DDR2: variants seen among roughly 807,000 people sequenced by gnomAD.
DDR2 encodes the protein discoidin domain receptor tyrosine kinase 2.
In DDR2, 27 loss-of-function variants were observed where a neutral mutation model predicts 94.9. The observed-to-expected ratio is 0.28, with a 90% CI of 0.21 to 0.39. The LOEUF (loss-of-function observed/expected upper bound fraction) is 0.39. Ranked by LOEUF, DDR2 falls within the 10% of genes least tolerant of loss-of-function variation. The pLI is 1.00. For synonymous variants in DDR2, 382 were observed against 377.2 expected, an observed-to-expected ratio of 1.01 and a Z score of -0.15; for missense variants, 783 against 1,076.0, an observed-to-expected ratio of 0.73 and a Z score of 3.81.
intron 3 of DDR2, among the ~76,000 whole-genome samples, chr1:162,752,719 G>T (rs1401516214): frequency 1.3e-5 from 2 of 152,110 alleles, no homozygotes; most frequent in Non-Finnish European, 2.9e-5. Flanking sequence ...TGATTATGAG[G>T]GTTCCTCACT....
intron 3 of DDR2, among the ~76,000 whole-genome samples, chr1:162,729,300 A>ATGTTGTTTTTTTTTTT (rs1416872679): frequency 2.4e-4 from 23 of 94,016 alleles, no homozygotes; most frequent in African/African-American, 1.1e-3. Flanking sequence ...ATATATATAT[A>ATGTTGTTTTTTTTTTT]TTTTTTTTTT....
At chr1:162,765,186 A>G (rs1663930960) in intron 9 of DDR2, among the ~76,000 whole-genome samples, 1 of 152,148 alleles carries the variant, frequency 6.6e-6, no homozygotes, top group Non-Finnish European at 1.5e-5. Context: ...ATAGCTATGA[A>G]CCATGGTTTT....
chr1:162,632,778 G>A (rs189356213), intron 1 of DDR2, 147 bp downstream of exon 1: 93 of 152,324 alleles, frequency 6.1e-4, no homozygotes, highest in African/African-American at 2.2e-3. Context: ...ACGTAATGAG[G>A]CACCACAGAC....
At chr1:162,664,630 A>C (rs1224576204) in intron 2 of DDR2, among the ~76,000 whole-genome samples, 1 of 152,228 alleles carries the variant, frequency 6.6e-6, no homozygotes, top group East Asian at 1.9e-4. Flanking sequence ...AATGATGTAA[A>C]AGTACATAGA....
At chr1:162,741,214 T>TATAATAC (rs1558057361) in intron 3 of DDR2, among the ~76,000 whole-genome samples, 1 of 88,436 alleles carries the variant, frequency 1.1e-5, no homozygotes, top group African/African-American at 4.4e-5. Context: ...CAATACAATA[T>TATAATAC]AATATAATAT....
chr1:162,644,185 A>G (rs10917577), intron 1 of DDR2, among the ~76,000 whole-genome samples: 78,204 of 152,082 alleles, frequency 0.51, 22,207 homozygotes, highest in Middle Eastern at 0.65. Flanking sequence ...ATGTTCTTAC[A>G]TTCTTAAAAA....
chr1:162,733,777 A>G (rs1017923641), intron 3 of DDR2, among the ~76,000 whole-genome samples: 1 of 152,216 alleles, frequency 6.6e-6, no homozygotes, highest in African/African-American at 2.4e-5. Context: ...ACTATTCTCA[A>G]AGTTGCTCAC....
rs182584872 is a variant in DDR2, at chr1:162,686,449, T to C, written c.-28+31075T>C. On this transcript the variant is annotated intron_variant, in intron 2 of 17. Coordinates refer to ENST00000367921, the MANE Select transcript of DDR2 (RefSeq NM_006182.4). ...GTCCTCATTGTTCAACTCCCACTTA[T>C]GAGTGAGAATATGCGGTGTTTGGTT... Among the ~76,000 whole-genome samples the C allele has an allele frequency of 4.9e-3, 741 of 152,316 alleles. 7 individuals are homozygous for C. The highest frequency in any genetic ancestry group is 0.024 in the Middle Eastern group (7 of 294).
intron 3 of DDR2, among the ~76,000 whole-genome samples, chr1:162,727,940 C>A (rs1009442569): frequency 7.9e-6 from 1 of 125,802 alleles, no homozygotes; most frequent in Admixed American, 8.9e-5. Flanking sequence ...AGAGCTAAGT[C>A]GACAATCACA....
At chr1:162,644,694 TC>T (rs1657321062) in intron 1 of DDR2, among the ~76,000 whole-genome samples, 1 of 152,018 alleles carries the variant, frequency 6.6e-6, no homozygotes, top group Admixed American at 6.6e-5. Context: ...CCTCCTGGGT[TC>T]AAGTGATTCT....
chr1:162,735,443 C>T (rs1217715335), intron 3 of DDR2, among the ~76,000 whole-genome samples: 1 of 152,172 alleles, frequency 6.6e-6, no homozygotes, highest in Non-Finnish European at 1.5e-5. Context: ...TTGCTACCCC[C>T]TCCCAGCAAC....
chr1:162,733,150 C>T (rs987425616), intron 3 of DDR2, among the ~76,000 whole-genome samples: 10 of 152,208 alleles, frequency 6.6e-5, no homozygotes, highest in Non-Finnish European at 1.0e-4. Flanking sequence ...TTGCCATTCC[C>T]AGCTTTTTCA....
In DDR2 at chr1:162,668,660, C is replaced by G. The variant is rs118014331; in HGVS notation, c.-28+13286C>G. ...CGTCTCTCTGTCTTTGTGTCCACAT[C>G]TTTTTCTCCTTTCCCTTAGATCCTA... is the stretch of plus-strand genomic sequence containing the variant. On this transcript the variant is annotated intron_variant, in intron 2 of 17. Coordinates refer to ENST00000367921, the MANE Select transcript of DDR2 (RefSeq NM_006182.4). 1.9e-3 allele frequency among the ~76,000 whole-genome samples: 284 copies of G among 152,284 alleles called. 4 individuals are homozygous for G. The East Asian group carries it at 0.042, about 23-fold the overall frequency.
intron 2 of DDR2, among the ~76,000 whole-genome samples, chr1:162,690,977 C>T (rs781199220): frequency 2.6e-5 from 4 of 152,166 alleles, no homozygotes; most frequent in Admixed American, 6.5e-5. Flanking sequence ...GTTTGTATGG[C>T]AGATAAAACT....
intron 3 of DDR2, among the ~76,000 whole-genome samples, chr1:162,733,223 G>A (rs553038563): frequency 2.0e-5 from 3 of 152,230 alleles, no homozygotes; most frequent in Non-Finnish European, 4.4e-5. Flanking sequence ...ACGAGGAAGT[G>A]GAACTGGGGG....
intron 2 of DDR2, among the ~76,000 whole-genome samples, chr1:162,693,272 A>T (rs1031239228): frequency 1.1e-4 from 16 of 152,162 alleles, no homozygotes; most frequent in South Asian, 1.0e-3. Context: ...TCACTTTGTC[A>T]TTGAGCTTTA....
intron 3 of DDR2, among the ~76,000 whole-genome samples, chr1:162,745,679 T>G (rs774614837): frequency 5.3e-5 from 8 of 152,174 alleles, no homozygotes; most frequent in Admixed American, 3.9e-4. Context: ...TATTGGTCTA[T>G]ATGTCTGTTT....
At position 162,780,278 on chromosome 1, in the gene DDR2, T is replaced by A; in HGVS notation, c.*32T>A. ...CAGTGCCTGGCCATGTTCCTACGGC[T>A]CAGGTCCTCCCTACAAGACCTACCA... On this transcript the variant is annotated 3_prime_UTR_variant, in exon 18 of 18. Transcript: ENST00000367921. 1.2e-6 allele frequency: 2 copies of A among 1,613,498 alleles called. No individual in the cohort carries two copies. The highest frequency in any genetic ancestry group is 1.7e-6 in the Non-Finnish European group (2 of 1,179,720).
chr1:162,687,967 C>T (rs377041383), intron 2 of DDR2, among the ~76,000 whole-genome samples: 2 of 152,182 alleles, frequency 1.3e-5, no homozygotes, highest in South Asian at 4.1e-4. Context: ...CTATTTGAAG[C>T]TGCAACCCAG....
Sources: gnomAD v4.1 joint callset for allele counts (sites outside exome capture counted in the v4.1 genomes callset) on GRCh38, gnomAD v4.1.1 for gene constraint, MANE v1.5 for transcripts, NCBI Gene and HGNC (gene_info 2026-07-23, HGNC 2026-07-21) for gene names.